Variants in NHSL1 observed in about 807,000 individuals in gnomAD.
The protein encoded by NHSL1 is NHS like 1.
In NHSL1, 48 loss-of-function variants were observed where a neutral mutation model predicts 95.0. The ratio of observed to expected loss-of-function variants is 0.51; its 90% CI spans 0.40 to 0.64. NHSL1 has a LOEUF of 0.64. Among genes scored for constraint, NHSL1 ranks in the 30% least tolerant of loss-of-function variants. NHSL1 has a pLI of 0.00. For missense variants in NHSL1, 1,971 were observed against 2,077.7 expected (o/e 0.95, Z 1.00); for synonymous variants, 783 against 833.9 (o/e 0.94, Z 1.05).
At chr6:138,497,714 G>A (rs575379693) in intron 1 of NHSL1, among the ~76,000 whole-genome samples, 6 of 152,184 alleles carry the variant, frequency 3.9e-5, no homozygotes, top group African/African-American at 9.6e-5. Context: ...TTATTCTAAC[G>A]AGGCCCCAAA....
At chr6:138,505,378 G>A (rs1345252912) in intron 1 of NHSL1, among the ~76,000 whole-genome samples, 1 of 152,112 alleles carries the variant, frequency 6.6e-6, no homozygotes, top group Non-Finnish European at 1.5e-5. Flanking sequence ...AACAGGGGCT[G>A]GGCATGGTGA....
chr6:138,643,225 C>G (rs1583463239), intron 1 of NHSL1, among the ~76,000 whole-genome samples: 1 of 152,180 alleles, frequency 6.6e-6, no homozygotes, highest in Non-Finnish European at 1.5e-5. Context: ...AGTTCCTTTT[C>G]TAAGACTTTA....
At chr6:138,624,071 G>A (rs1784702717) in intron 1 of NHSL1, among the ~76,000 whole-genome samples, 1 of 152,084 alleles carries the variant, frequency 6.6e-6, no homozygotes, top group African/African-American at 2.4e-5. Flanking sequence ...CTAGTCTCGG[G>A]TATTTCTTCA....
chr6:138,555,434 T>C (rs2128336247), intron 1 of NHSL1, among the ~76,000 whole-genome samples: 1 of 152,364 alleles, frequency 6.6e-6, no homozygotes, highest in East Asian at 1.9e-4. Context: ...AATGCTTCTA[T>C]TGCTTTCGAG....
At chr6:138,588,113 A>G (rs1169903791) in intron 1 of NHSL1, among the ~76,000 whole-genome samples, 1 of 152,252 alleles carries the variant, frequency 6.6e-6, no homozygotes, top group Non-Finnish European at 1.5e-5. Flanking sequence ...ATTAATTCTC[A>G]GGGCTTGGTC....
chr6:138,479,851 G>A (rs553979032), intron 2 of NHSL1, among the ~76,000 whole-genome samples: 3 of 152,134 alleles, frequency 2.0e-5, no homozygotes, highest in Non-Finnish European at 4.4e-5. Flanking sequence ...GGAAGCATAC[G>A]ATGCAGTGAA....
chr6:138,540,151 A>G (rs1782522644), intron 1 of NHSL1, among the ~76,000 whole-genome samples: 1 of 152,224 alleles, frequency 6.6e-6, no homozygotes. Context: ...TAGATTACCC[A>G]CTAACAATTA....
chr6:138,620,687 AC>A (rs1396087268), intron 1 of NHSL1, among the ~76,000 whole-genome samples: 4 of 106,098 alleles, frequency 3.8e-5, no homozygotes, highest in Non-Finnish European at 7.1e-5. Context: ...GAACAAATAC[AC>A]TTTTCCATTC....
At position 138,557,946 on chromosome 6, in the gene NHSL1, T is replaced by C. The variant is rs1052695251; in HGVS notation, c.202+13764A>G. ...GTGTAGACTATACTTTAGAAAGATG[T>C]TCATTAAAAAATATTTTCAATTGTT... is the stretch of plus-strand genomic sequence containing the variant. On this transcript the variant is annotated intron_variant, in intron 1 of 6. Coordinates refer to the NHSL1 transcript ENST00000427025. Among the ~76,000 whole-genome samples the C allele has an allele frequency of 6.6e-5, 10 of 152,196 alleles. 1 individual carries two copies. Among genetic ancestry groups the C allele is most frequent in the Non-Finnish European group, 1.0e-4 (7 of 68,044 alleles).
chr6:138,434,449 G>T (rs995321095), intron 5 of NHSL1, among the ~76,000 whole-genome samples: 13 of 151,220 alleles, frequency 8.6e-5, no homozygotes, highest in African/African-American at 2.7e-4. Flanking sequence ...ACACAAGGAA[G>T]GGCCAACAGA....
intron 1 of NHSL1, among the ~76,000 whole-genome samples, chr6:138,559,862 G>C (rs949264521): frequency 6.6e-6 from 1 of 152,192 alleles, no homozygotes; most frequent in South Asian, 2.1e-4. Context: ...ATTCCACAAA[G>C]CTATTCCATG....
At chr6:138,435,709 G>C (rs1054290031) in intron 5 of NHSL1, among the ~76,000 whole-genome samples, 1 of 148,380 alleles carries the variant, frequency 6.7e-6, no homozygotes, top group African/African-American at 2.6e-5. Flanking sequence ...GCAGATAACT[G>C]GGGTTTTTTT....
chr6:138,477,922 C>G (rs1452086231), intron 2 of NHSL1, among the ~76,000 whole-genome samples: 1 of 151,162 alleles, frequency 6.6e-6, no homozygotes, highest in African/African-American at 2.4e-5. Flanking sequence ...CATGAAAGAC[C>G]AGCAACTATT....
At chr6:138,545,749 G>A (rs953791116), upstream of NHSL1, 4 of 1,229,602 alleles carry the variant, frequency 3.3e-6, no homozygotes, top group African/African-American at 1.6e-5. Flanking sequence ...AGAGAGCGGG[G>A]CGGCCAGCCA....
chr6:138,464,269 C>T, intron 3 of NHSL1: 1 of 806,158 alleles, frequency 1.2e-6, no homozygotes, highest in Non-Finnish European at 2.0e-6. Flanking sequence ...CTGCCCACTT[C>T]CTGCTTTGGC....
At chr6:138,632,012 G>A (rs1390246294) in intron 1 of NHSL1, among the ~76,000 whole-genome samples, 2 of 152,038 alleles carry the variant, frequency 1.3e-5, no homozygotes, top group African/African-American at 4.8e-5. Flanking sequence ...CAAGTCCTAG[G>A]CCAGGCAGCA....
chr6:138,655,003 T>G (rs968089142), intron 1 of NHSL1, among the ~76,000 whole-genome samples: 1 of 152,202 alleles, frequency 6.6e-6, no homozygotes, highest in Non-Finnish European at 1.5e-5. Flanking sequence ...GTGGATAATT[T>G]GATTAGGTTA....
exon 1 of NHSL1, chr6:138,572,323 T>C (rs7774918): frequency 0.16 from 25,123 of 157,326 alleles, 4,458 homozygotes; most frequent in African/African-American, 0.45. Flanking sequence ...ATCCTACTCC[T>C]CTCCTGGGCA....
rs769534036 is a variant in NHSL1 at position 138,516,588 on chromosome 6, T to TTTGTTG, written c.17-20223_17-20218dup. On this transcript the variant is annotated intron_variant, in intron 1 of 4. Coordinates refer to the NHSL1 transcript ENST00000342260. ...AGCAATGGTTGAACATCAAAGTTGTTTTGTTGTTGTTGTTGTTGTTGTTGT... is the reference window on the plus strand; with the variant it reads ...AGCAATGGTTGAACATCAAAGTTGTTTTGTTGTTGTTGTTGTTGTTGTTGTTGTTGT... Among the ~76,000 whole-genome samples, 411 of 151,848 alleles carry TTTGTTG rather than the reference T, an allele frequency of 2.7e-3. 4 individuals carry two copies. Among genetic ancestry groups the TTTGTTG allele is most frequent in the Non-Finnish European group, 3.3e-3 (227 of 67,926 alleles).
Sources: gnomAD v4.1 joint callset for allele counts (sites outside exome capture counted in the v4.1 genomes callset) on GRCh38, gnomAD v4.1.1 for gene constraint, MANE v1.5 for transcripts, NCBI Gene and HGNC (gene_info 2026-07-23, HGNC 2026-07-21) for gene names.